PCCA: variants seen among roughly 807,000 people sequenced by gnomAD.
PCCA encodes the protein propionyl-CoA carboxylase alpha chain, mitochondrial.
PCCA carries 74 observed loss-of-function variants against 101.3 expected under a neutral mutation model. The observed-to-expected ratio is 0.73, with a 90% CI of 0.61 to 0.89. The LOEUF is 0.89. PCCA is among the 40% of genes least tolerant of loss of function. The pLI is 0.00. For missense variants in PCCA, 891 were observed against 907.0 expected (o/e 0.98, Z 0.23); for synonymous variants, 294 against 313.6 (o/e 0.94, Z 0.66).
intron 2 of PCCA, among the ~76,000 whole-genome samples, chr13:100,103,456 C>T (rs985049847): frequency 1.2e-4 from 17 of 145,704 alleles, no homozygotes; most frequent in Admixed American, 6.2e-4. Flanking sequence ...GGATTACAGG[C>T]GCCCACCACT....
chr13:100,248,965 G>A (rs901096838), intron 8 of PCCA, among the ~76,000 whole-genome samples: 1 of 151,982 alleles, frequency 6.6e-6, no homozygotes, highest in African/African-American at 2.4e-5. Flanking sequence ...TGTTGGCCAG[G>A]CTGGTCTCGA....
At chr13:100,432,706 A>G (rs568991319) in intron 20 of PCCA, among the ~76,000 whole-genome samples, 1 of 152,242 alleles carries the variant, frequency 6.6e-6, no homozygotes, top group Non-Finnish European at 1.5e-5. Context: ...GGTGAAGTGG[A>G]GATGGAGTTC....
chr13:100,221,386 T>C (rs1323663987), intron 7 of PCCA, among the ~76,000 whole-genome samples: 1 of 152,224 alleles, frequency 6.6e-6, no homozygotes, highest in African/African-American at 2.4e-5. Context: ...TCTTGAACTG[T>C]GGCTTTTAGT....
intron 4 of PCCA, among the ~76,000 whole-genome samples, chr13:100,139,939 G>A (rs1161696454): frequency 2.0e-5 from 3 of 151,548 alleles, no homozygotes; most frequent in Non-Finnish European, 4.4e-5. Context: ...TGGGCGGTGG[G>A]TCTTTGTACT....
At chr13:100,460,709 A>G (rs2082110345) in intron 21 of PCCA, among the ~76,000 whole-genome samples, 1 of 152,254 alleles carries the variant, frequency 6.6e-6, no homozygotes, top group African/African-American at 2.4e-5. Context: ...ATTTACCATT[A>G]AGAATGCTAT....
intron 16 of PCCA, among the ~76,000 whole-genome samples, chr13:100,326,306 A>G (rs1401062247): frequency 6.6e-6 from 1 of 152,150 alleles, no homozygotes; most frequent in African/African-American, 2.4e-5. Flanking sequence ...TTAACAGAGG[A>G]TGACTTGATG....
intron 16 of PCCA, among the ~76,000 whole-genome samples, chr13:100,315,070 A>G (rs1432381337): frequency 6.6e-6 from 1 of 152,214 alleles, no homozygotes; most frequent in East Asian, 1.9e-4. Context: ...ACTTACCTTC[A>G]TATGTTTAAG....
intron 7 of PCCA, among the ~76,000 whole-genome samples, chr13:100,212,759 C>T (rs968684201): frequency 6.6e-6 from 1 of 152,006 alleles, no homozygotes; most frequent in Non-Finnish European, 1.5e-5. Context: ...TAAAAATGTA[C>T]AATAAATTAT....
At chr13:100,470,663 A>C (rs2082934536) in intron 21 of PCCA, among the ~76,000 whole-genome samples, 1 of 152,090 alleles carries the variant, frequency 6.6e-6, no homozygotes, top group Admixed American at 6.5e-5. Flanking sequence ...AAAAAAATAA[A>C]AATAAAAAAT....
At chr13:100,235,754 G>T in intron 7 of PCCA, 88 bp from the exon 8 acceptor site, 1 of 831,882 alleles carries the variant, frequency 1.2e-6, no homozygotes. Flanking sequence ...TGAATCGGAG[G>T]AGACAGTAGT....
intron 12 of PCCA, among the ~76,000 whole-genome samples, chr13:100,290,088 G>A (rs1427864354): frequency 6.6e-6 from 1 of 152,222 alleles, no homozygotes; most frequent in Non-Finnish European, 1.5e-5. Flanking sequence ...TCTTTCAGGA[G>A]CATATGAATT....
intron 4 of PCCA, among the ~76,000 whole-genome samples, chr13:100,136,042 T>A (rs1294577162): frequency 2.0e-5 from 3 of 152,142 alleles, no homozygotes; most frequent in African/African-American, 7.2e-5. Flanking sequence ...TAATTTTTTG[T>A]TAAGGATTTT....
At chr13:100,301,728 A>T in intron 13 of PCCA, 125 bp downstream of exon 13, 3 of 1,113,688 alleles carry the variant, frequency 2.7e-6, no homozygotes, top group Non-Finnish European at 4.1e-6. Flanking sequence ...TACGTAATCC[A>T]TAATTAAATC....
intron 12 of PCCA, among the ~76,000 whole-genome samples, chr13:100,289,062 T>G (rs2064922750): frequency 6.6e-6 from 1 of 152,148 alleles, no homozygotes; most frequent in African/African-American, 2.4e-5. Context: ...TGTCTTTAAG[T>G]TTTCCCTACA....
intron 22 of PCCA, 53 bp downstream of exon 22, chr13:100,515,620 T>A: frequency 6.2e-7 from 1 of 1,603,208 alleles, no homozygotes; most frequent in South Asian, 1.1e-5. Flanking sequence ...AACTTCCCCT[T>A]CCAAAGCGAC....
chr13:100,278,625 G>A (rs1027410429), intron 12 of PCCA, among the ~76,000 whole-genome samples: 1 of 151,980 alleles, frequency 6.6e-6, no homozygotes, highest in African/African-American at 2.4e-5. Context: ...GACTATAGGT[G>A]CGTGCCACTA....
chr13:100,428,324 A>AC (rs58580719), intron 20 of PCCA, among the ~76,000 whole-genome samples: 4,063 of 44,836 alleles, frequency 0.091, 296 homozygotes, highest in African/African-American at 0.25. Flanking sequence ...CTCCTCCCCG[A>AC]CCCCCCCTAC....
intron 4 of PCCA, chr13:100,151,052 T>C: frequency 6.4e-7 from 1 of 1,556,588 alleles, no homozygotes; most frequent in Non-Finnish European, 8.8e-7. Flanking sequence ...GACATCAGAC[T>C]GCTGCTTTCT....
intron 19 of PCCA, among the ~76,000 whole-genome samples, chr13:100,383,269 G>A (rs920884722): frequency 6.6e-6 from 1 of 151,818 alleles, no homozygotes; most frequent in African/African-American, 2.4e-5. Context: ...TGGGATTACA[G>A]GCATGAGCCA....
Sources: gnomAD v4.1 joint callset for allele counts (sites outside exome capture counted in the v4.1 genomes callset) on GRCh38, gnomAD v4.1.1 for gene constraint, MANE v1.5 for transcripts, NCBI Gene and HGNC (gene_info 2026-07-23, HGNC 2026-07-21) for gene names.